CCSER1: variants seen among roughly 807,000 people sequenced by gnomAD.
The protein encoded by CCSER1 is coiled-coil serine rich protein 1, also known as serine-rich coiled-coil domain-containing protein 1.
In CCSER1, 41 loss-of-function variants were observed where a neutral mutation model predicts 82.0. The ratio of observed to expected loss-of-function variants is 0.50; its 90% CI spans 0.39 to 0.65. CCSER1 has a LOEUF of 0.65. Among genes scored for constraint, CCSER1 ranks in the 30% least tolerant of loss-of-function variants. The pLI is 0.00. For missense variants in CCSER1, 1,119 were observed against 1,064.2 expected, an observed-to-expected ratio of 1.05 and a Z score of -0.72; for synonymous variants, 414 against 383.9, an observed-to-expected ratio of 1.08 and a Z score of -0.92.
chr4:91,533,588 G>T (rs1404843960), intron 10 of CCSER1, among the ~76,000 whole-genome samples: 1 of 152,050 alleles, frequency 6.6e-6, no homozygotes, highest in Non-Finnish European at 1.5e-5. Flanking sequence ...TATGATTATT[G>T]GTATAAGCCA....
chr4:91,430,521 A>C lies in CCSER1; in HGVS notation c.2218-168051A>C, dbSNP rs150052020. On this transcript the variant is annotated intron_variant, in intron 10 of 10. Transcript: ENST00000509176. Reference sequence around the variant, plus strand: ...ACTATTTTTACTTTGTTAAGATTTTATTTGCTGATACATAAAGGTAACAAG... The same window carrying C: ...ACTATTTTTACTTTGTTAAGATTTTCTTTGCTGATACATAAAGGTAACAAG... Among the ~76,000 whole-genome samples, 421 of 152,314 alleles carry C rather than the reference A, an allele frequency of 2.8e-3. 7 individuals carry two copies. Among genetic ancestry groups the C allele is most frequent in the Admixed American group, 0.02 (306 of 15,302 alleles).
At chr4:91,565,796 G>A (rs1246564403) in intron 10 of CCSER1, among the ~76,000 whole-genome samples, 2 of 151,462 alleles carry the variant, frequency 1.3e-5, no homozygotes, top group Admixed American at 1.3e-4. Context: ...AGCAGCTATT[G>A]GGCTAGGGTT....
intron 5 of CCSER1, among the ~76,000 whole-genome samples, chr4:90,545,319 C>T (rs1361022421): frequency 6.6e-6 from 1 of 152,074 alleles, no homozygotes; most frequent in East Asian, 1.9e-4. Flanking sequence ...TACCTGCAAG[C>T]AAGCAATTTC....
intron 4 of CCSER1, among the ~76,000 whole-genome samples, chr4:90,440,955 G>C (rs1166873706): frequency 6.6e-6 from 1 of 151,192 alleles, no homozygotes; most frequent in Non-Finnish European, 1.5e-5. Context: ...ATTTTCTTCT[G>C]ACTAGAAAAA....
intron 1 of CCSER1, among the ~76,000 whole-genome samples, chr4:90,184,828 A>G (rs1286943569): frequency 3.3e-5 from 5 of 151,994 alleles, no homozygotes; most frequent in Non-Finnish European, 5.9e-5. Flanking sequence ...AGGAAATGCA[A>G]CTTTCCATAC....
chr4:90,843,343 T>C (rs1236308344), intron 8 of CCSER1, among the ~76,000 whole-genome samples: 1 of 152,174 alleles, frequency 6.6e-6, no homozygotes, highest in Non-Finnish European at 1.5e-5. Flanking sequence ...TTTGATCTGC[T>C]GCATTAAAAT....
chr4:91,075,893 C>G (rs888510305), intron 9 of CCSER1, among the ~76,000 whole-genome samples: 2 of 151,944 alleles, frequency 1.3e-5, no homozygotes, highest in African/African-American at 4.8e-5. Context: ...CAGTAAAAAT[C>G]AAGATTGTGC....
At chr4:90,533,084 G>GTTTTTT (rs59215370) in intron 5 of CCSER1, among the ~76,000 whole-genome samples, 43 of 89,004 alleles carry the variant, frequency 4.8e-4, no homozygotes, top group East Asian at 1.2e-3. Flanking sequence ...ATTTCTGTGG[G>GTTTTTT]TTTTTTTTTT....
At chr4:91,204,646 A>G (rs1736198378) in intron 10 of CCSER1, among the ~76,000 whole-genome samples, 2 of 151,838 alleles carry the variant, frequency 1.3e-5, no homozygotes, top group Admixed American at 1.3e-4. Flanking sequence ...ACTGAAAAAA[A>G]ATCACTATTT....
chr4:90,928,667 C>T (rs549629101), intron 9 of CCSER1, among the ~76,000 whole-genome samples: 1 of 151,902 alleles, frequency 6.6e-6, no homozygotes, highest in African/African-American at 2.4e-5. Context: ...ATAGGGTGAT[C>T]TAGGGAGGTC....
chr4:90,699,517 A>G (rs956950746), intron 6 of CCSER1, among the ~76,000 whole-genome samples: 2 of 152,170 alleles, frequency 1.3e-5, no homozygotes, highest in African/African-American at 4.8e-5. Context: ...GACAAGGTCC[A>G]TGGCAGCTAT....
chr4:90,952,935 G>A (rs114194644), intron 9 of CCSER1, among the ~76,000 whole-genome samples: 3,894 of 151,934 alleles, frequency 0.026, 149 homozygotes, highest in African/African-American at 0.085. Flanking sequence ...ATTTTTCCAA[G>A]TTCTAAATTT....
intron 5 of CCSER1, among the ~76,000 whole-genome samples, chr4:90,508,280 T>C (rs1770990354): frequency 6.6e-6 from 1 of 152,108 alleles, no homozygotes; most frequent in Non-Finnish European, 1.5e-5. Flanking sequence ...TTGGTTAGTT[T>C]GGTCTATTTA....
chr4:90,142,245 G>T (rs1181842128), intron 1 of CCSER1, among the ~76,000 whole-genome samples: 2 of 152,152 alleles, frequency 1.3e-5, no homozygotes, highest in Non-Finnish European at 2.9e-5. Context: ...CACACACAAA[G>T]CATATGCATT....
chr4:91,279,476 A>T (rs1335777048), intron 10 of CCSER1, among the ~76,000 whole-genome samples: 2 of 151,830 alleles, frequency 1.3e-5, no homozygotes, highest in Admixed American at 6.6e-5. Context: ...GAGTTATTTC[A>T]AAAGAACTGT....
chr4:91,346,314 C>G (rs775750324), intron 10 of CCSER1, among the ~76,000 whole-genome samples: 1 of 152,078 alleles, frequency 6.6e-6, no homozygotes, highest in Non-Finnish European at 1.5e-5. Flanking sequence ...GGCGCCTGGT[C>G]TTATTTCTTT....
At chr4:90,429,165 A>G (rs548781318) in intron 4 of CCSER1, among the ~76,000 whole-genome samples, 8 of 151,996 alleles carry the variant, frequency 5.3e-5, no homozygotes, top group African/African-American at 1.9e-4. Flanking sequence ...AATAAAGTCT[A>G]TTAATGTAAA....
intron 4 of CCSER1, among the ~76,000 whole-genome samples, chr4:90,439,507 G>C (rs1237685634): frequency 6.6e-6 from 1 of 152,016 alleles, no homozygotes; most frequent in African/African-American, 2.4e-5. Flanking sequence ...CCTAATCTTT[G>C]TTGATTGGAG....
chr4:90,503,157 C>A (rs943647077), intron 5 of CCSER1, among the ~76,000 whole-genome samples: 16 of 152,140 alleles, frequency 1.1e-4, no homozygotes, highest in African/African-American at 3.4e-4. Context: ...AAGAGCAAAT[C>A]TTTAGCTACT....
Sources: gnomAD v4.1 joint callset for allele counts (sites outside exome capture counted in the v4.1 genomes callset) on GRCh38, gnomAD v4.1.1 for gene constraint, MANE v1.5 for transcripts, NCBI Gene and HGNC (gene_info 2026-07-23, HGNC 2026-07-21) for gene names.